Variants in IL7 observed in about 807,000 individuals in gnomAD.
The protein encoded by IL7 is interleukin-7.
IL7 carries 3 observed loss-of-function variants against 21.6 expected under a neutral mutation model. That is an observed-to-expected ratio of 0.14 (90% confidence interval 0.06 to 0.36). The LOEUF (loss-of-function observed/expected upper bound fraction) is 0.36. Among genes scored for constraint, IL7 ranks in the 10% least tolerant of loss-of-function variants. IL7 has a pLI of 1.00. For missense variants in IL7, 175 were observed against 200.2 expected (o/e 0.87, Z 0.76); for synonymous variants, 62 against 68.1 (o/e 0.91, Z 0.44).
intron 2 of IL7, among the ~76,000 whole-genome samples, chr8:78,795,905 G>C (rs1813837510): frequency 6.6e-6 from 1 of 151,922 alleles, no homozygotes; most frequent in Non-Finnish European, 1.5e-5. Flanking sequence ...TCCTACAAGA[G>C]GTATAACACT....
intron 3 of IL7, among the ~76,000 whole-genome samples, chr8:78,722,494 G>T (rs1811259231): frequency 1.3e-5 from 2 of 151,768 alleles, no homozygotes; most frequent in Non-Finnish European, 2.9e-5. Context: ...TTCTTATACT[G>T]AAATAAGCAT....
chr8:78,721,633 C>T (rs777240281), intron 3 of IL7, among the ~76,000 whole-genome samples: 6 of 151,928 alleles, frequency 3.9e-5, no homozygotes, highest in Non-Finnish European at 8.8e-5. Flanking sequence ...CAGTGAAATG[C>T]GGATTTTCAC....
In IL7 at chr8:78,723,407, C is replaced by T. The variant is rs118001357; in HGVS notation, n.268-1967G>A. On this transcript the variant is annotated intron_variant and non_coding_transcript_variant, in intron 3 of 6. Transcript: ENST00000519833. ...TCTATCACTGGCAACCTTAAAATTA[C>T]CTCCGTTTGTACTTAAGCTGAAGCT... Among the ~76,000 whole-genome samples the T allele has an allele frequency of 1.6e-3, 247 of 152,040 alleles. 8 individuals are homozygous for T. The East Asian group carries it at 0.047, about 29-fold the overall frequency.
chr8:78,692,593 AAGTGT>A (rs918077800), intron 3 of IL7, among the ~76,000 whole-genome samples: 31 of 152,108 alleles, frequency 2.0e-4, no homozygotes, highest in African/African-American at 7.5e-4. Flanking sequence ...AAGGAGGTCT[AAGTGT>A]AGGTGGTTAA....
At chr8:78,762,937 C>T (rs1267980382) in intron 2 of IL7, among the ~76,000 whole-genome samples, 1 of 152,066 alleles carries the variant, frequency 6.6e-6, no homozygotes, top group African/African-American at 2.4e-5. Flanking sequence ...TTTCCTGTAG[C>T]TGTAATTATA....
chr8:78,773,303 C>A (rs186589854), intron 2 of IL7, among the ~76,000 whole-genome samples: 3 of 152,210 alleles, frequency 2.0e-5, no homozygotes, highest in Admixed American at 2.0e-4. Context: ...CCCACACAGA[C>A]ACGGGGAGAA....
chr8:78,721,607 T>C (rs1451952336), intron 3 of IL7, among the ~76,000 whole-genome samples: 1 of 152,026 alleles, frequency 6.6e-6, no homozygotes, highest in East Asian at 1.9e-4. Context: ...TGCTGAGTAG[T>C]GTCAAGTACA....
chr8:78,783,239 G>C (rs2130812588), intron 2 of IL7, among the ~76,000 whole-genome samples: 1 of 152,230 alleles, frequency 6.6e-6, no homozygotes, highest in Non-Finnish European at 1.5e-5. Context: ...TTTTGGTGTG[G>C]GCTTATGATG....
chr8:78,797,304 G>T (rs1237021878), intron 2 of IL7, among the ~76,000 whole-genome samples: 4 of 151,872 alleles, frequency 2.6e-5, no homozygotes, highest in African/African-American at 9.7e-5. Context: ...CATATGATTT[G>T]TATGATATGT....
At chr8:78,773,208 T>A (rs760699692) in intron 2 of IL7, among the ~76,000 whole-genome samples, 6 of 151,876 alleles carry the variant, frequency 4.0e-5, no homozygotes, top group Non-Finnish European at 8.8e-5. Context: ...ACACCTACAC[T>A]CAGACTAGGA....
chr8:78,725,644 T>C (rs1811326783), intron 3 of IL7, among the ~76,000 whole-genome samples: 1 of 152,046 alleles, frequency 6.6e-6, no homozygotes, highest in South Asian at 2.1e-4. Context: ...TAAAATCATA[T>C]TTTACAGGAA....
intron 4 of IL7, 91 bp downstream of exon 4, chr8:78,738,413 T>C (rs1811662843): frequency 1.8e-6 from 2 of 1,088,420 alleles, no homozygotes; most frequent in Non-Finnish European, 2.6e-6. Context: ...CTTAGGATTC[T>C]ATGATAATGG....
chr8:78,709,752 A>G (rs1235534554), intron 3 of IL7, among the ~76,000 whole-genome samples: 2 of 152,132 alleles, frequency 1.3e-5, no homozygotes. Flanking sequence ...TAATGTTTTA[A>G]GAAAGTTTAC....
At chr8:78,792,930 G>T (rs968791725) in intron 2 of IL7, among the ~76,000 whole-genome samples, 1 of 152,042 alleles carries the variant, frequency 6.6e-6, no homozygotes, top group Admixed American at 6.6e-5. Context: ...AACATATCAA[G>T]ACAATTGTAT....
At chr8:78,734,753 C>T (rs1811515447) in intron 5 of IL7, among the ~76,000 whole-genome samples, 1 of 152,088 alleles carries the variant, frequency 6.6e-6, no homozygotes, top group African/African-American at 2.4e-5. Context: ...TTCTCTCAGT[C>T]ATATATTGTG....
At chr8:78,742,333 T>A (rs1255201068) in intron 2 of IL7, among the ~76,000 whole-genome samples, 1 of 151,502 alleles carries the variant, frequency 6.6e-6, no homozygotes, top group Non-Finnish European at 1.5e-5. Flanking sequence ...CAGAAAAAAA[T>A]AAAAAATAAA....
chr8:78,754,025 A>G (rs1812265259), intron 2 of IL7, among the ~76,000 whole-genome samples: 2 of 152,166 alleles, frequency 1.3e-5, no homozygotes, highest in South Asian at 4.1e-4. Flanking sequence ...CCTATTCAAC[A>G]TAGTATTGGA....
At chr8:78,711,823 A>G (rs975988558) in intron 3 of IL7, among the ~76,000 whole-genome samples, 1 of 151,898 alleles carries the variant, frequency 6.6e-6, no homozygotes, top group Non-Finnish European at 1.5e-5. Context: ...CATTGTATGA[A>G]CTCTCTGAGG....
At chr8:78,786,874 A>G (rs1813525786) in intron 2 of IL7, among the ~76,000 whole-genome samples, 1 of 152,096 alleles carries the variant, frequency 6.6e-6, no homozygotes, top group African/African-American at 2.4e-5. Flanking sequence ...GAGGGTTGGG[A>G]CTTTCGGCCC....
Sources: gnomAD v4.1 joint callset for allele counts (sites outside exome capture counted in the v4.1 genomes callset) on GRCh38, gnomAD v4.1.1 for gene constraint, MANE v1.5 for transcripts, NCBI Gene and HGNC (gene_info 2026-07-23, HGNC 2026-07-21) for gene names.